SLC12A7: variants seen among roughly 807,000 people sequenced by gnomAD.
SLC12A7 encodes K-Cl cotransporter 4.
SLC12A7 carries 100 observed loss-of-function variants against 120.6 expected under a neutral mutation model. The observed-to-expected ratio is 0.83, with a 90% confidence interval of 0.71 to 0.98. The LOEUF is 0.98. SLC12A7 is among the 50% of genes least tolerant of loss of function. The pLI, the probability that SLC12A7 is intolerant of heterozygous loss-of-function variation, is 0.00. For missense variants in SLC12A7, 1,373 were observed against 1,548.1 expected (o/e 0.89, Z 1.90); for synonymous variants, 760 against 678.0 (o/e 1.12, Z -1.88).
intron 1 of SLC12A7, among the ~76,000 whole-genome samples, chr5:1,094,706 G>A (rs560990146): frequency 9.2e-5 from 14 of 152,304 alleles, no homozygotes; most frequent in Non-Finnish European, 1.6e-4. Context: ...CTTAAAAGTC[G>A]GGGTGGCACC....
intron 1 of SLC12A7, among the ~76,000 whole-genome samples, chr5:1,109,587 C>T (rs1346036341): frequency 6.6e-6 from 1 of 152,242 alleles, no homozygotes; most frequent in Non-Finnish European, 1.5e-5. Flanking sequence ...CAGAAGGCCC[C>T]TGGAGCCAGG....
the SLC12A7 span, among the ~76,000 whole-genome samples, chr5:1,131,119 G>A: frequency 1.3e-5 from 2 of 152,150 alleles, no homozygotes; most frequent in Admixed American, 6.5e-5. Context: ...AGAGCTCAGC[G>A]CCTGTATTCG....
chr5:1,093,795 G>A, intron 2 of SLC12A7, 140 bp from the exon 3 acceptor site: 2 of 1,309,638 alleles, frequency 1.5e-6, no homozygotes. Context: ...GAGAGGCCTG[G>A]ACACCTGTGT....
intron 3 of SLC12A7, among the ~76,000 whole-genome samples, chr5:1,090,520 G>C (rs191777137): frequency 3.3e-5 from 5 of 152,308 alleles, no homozygotes; most frequent in African/African-American, 1.2e-4. Context: ...AAGCGGTGGC[G>C]GATGGTGGAG....
At position 1,052,384 on chromosome 5, in the gene SLC12A7, C is replaced by G. The variant is rs1384112749; in HGVS notation, c.3228G>C (p.Arg1076=). ...ATTAGGAGTAGATGGTGATCACCTCCCGGCCGCCACCCCTGACCAGGAGGA... is the reference window on the plus strand; with the variant it reads ...ATTAGGAGTAGATGGTGATCACCTCGCGGCCGCCACCCCTGACCAGGAGGA... ...NRVLLVRGGG[R]EVITIYS Residue 1076 remains arginine, a synonymous_variant, in exon 24 of 24, where the codon CGG becomes CGC. Coordinates refer to ENST00000264930, the MANE Select transcript of SLC12A7 (RefSeq NM_006598.3). The G allele has an allele frequency of 3.7e-6, 6 of 1,612,886 alleles. No homozygotes were observed. The highest frequency in any genetic ancestry group is 4.5e-5 in the East Asian group (2 of 44,886).
rs115781594 is a variant in SLC12A7, at chr5:1,109,859, C to T, written c.124+2009G>A. Among the ~76,000 whole-genome samples the T allele has an allele frequency of 9.7e-3, 1,477 of 152,370 alleles. 24 individuals are homozygous for T. Among genetic ancestry groups the T allele is most frequent in the African/African-American group, 0.033 (1,383 of 41,582 alleles). Reference sequence around the variant, plus strand: ...TACCTCCACAGACCGTTCAGGGGAACGGCAATGGAGTCAGGAAGAGCTTGG... The same window carrying T: ...TACCTCCACAGACCGTTCAGGGGAATGGCAATGGAGTCAGGAAGAGCTTGG... On this transcript the variant is annotated intron_variant, in intron 1 of 23. Transcript: ENST00000264930.
chr5:1,065,241 G>A (rs1736911747), intron 18 of SLC12A7, 42 bp downstream of exon 18: 1 of 1,427,964 alleles, frequency 7.0e-7, no homozygotes, highest in Non-Finnish European at 9.6e-7. Flanking sequence ...GGACACAGAG[G>A]GGACGGTGAG....
At chr5:1,130,373 C>T in the SLC12A7 span, among the ~76,000 whole-genome samples, 4 of 152,184 alleles carry the variant, frequency 2.6e-5, no homozygotes, top group African/African-American at 4.8e-5. Flanking sequence ...CCTGCATCTG[C>T]GTCTGGGCAG....
intron 1 of SLC12A7, among the ~76,000 whole-genome samples, chr5:1,096,200 C>G (rs1741118511): frequency 6.6e-6 from 1 of 152,126 alleles, no homozygotes. Context: ...TGAGAGGCAC[C>G]ACGTCAGCTG....
At chr5:1,112,823 CG>C (rs770854644), upstream of SLC12A7, among the ~76,000 whole-genome samples, 65 of 149,802 alleles carry the variant, frequency 4.3e-4, no homozygotes, top group Admixed American at 6.6e-4. Context: ...TGGGGTACTC[CG>C]GAGCTTGGTC....
chr5:1,113,105 G>A (rs888187470), upstream of SLC12A7, among the ~76,000 whole-genome samples: 3 of 152,156 alleles, frequency 2.0e-5, no homozygotes, highest in African/African-American at 7.2e-5. Context: ...CATGAAAAAC[G>A]GAACAATCAG....
At chr5:1,153,622 G>A in the SLC12A7 span, among the ~76,000 whole-genome samples, 2 of 152,182 alleles carry the variant, frequency 1.3e-5, no homozygotes, top group South Asian at 4.1e-4. Context: ...AGCCCCTGTT[G>A]CCACAAGCCG....
At chr5:1,148,859 A>G in the SLC12A7 span, among the ~76,000 whole-genome samples, 1 of 152,242 alleles carries the variant, frequency 6.6e-6, no homozygotes, top group Non-Finnish European at 1.5e-5. Flanking sequence ...CTGCTTCCTT[A>G]AAGTTTCAGT....
At chr5:1,155,735 G>A in the SLC12A7 span, among the ~76,000 whole-genome samples, 1 of 150,926 alleles carries the variant, frequency 6.6e-6, no homozygotes, top group African/African-American at 2.4e-5. Flanking sequence ...CAGGCGGCTC[G>A]GGCGCGGCTG....
At chr5:1,113,441 T>C (rs4285270), upstream of SLC12A7, among the ~76,000 whole-genome samples, 124,446 of 152,212 alleles carry the variant, frequency 0.82, 51,234 homozygotes, top group African/African-American at 0.91. Flanking sequence ...TGGGGTGGCC[T>C]AGGGTTCTAC....
At chr5:1,108,827 C>T (rs778521818) in intron 1 of SLC12A7, among the ~76,000 whole-genome samples, 6 of 151,924 alleles carry the variant, frequency 3.9e-5, no homozygotes, top group Non-Finnish European at 7.4e-5. Context: ...AACACGGACA[C>T]GGTAGGTAGT....
At chr5:1,110,778 T>C (rs1349854895) in intron 1 of SLC12A7, among the ~76,000 whole-genome samples, 4 of 152,338 alleles carry the variant, frequency 2.6e-5, no homozygotes, top group South Asian at 4.1e-4. Context: ...AGATCTGGGC[T>C]GGCCTCTGTG....
chr5:1,115,077 C>A (rs917441989), upstream of SLC12A7, among the ~76,000 whole-genome samples: 1 of 152,214 alleles, frequency 6.6e-6, no homozygotes, highest in East Asian at 1.9e-4. Flanking sequence ...CTCAGTCGAT[C>A]ACCATTAGTG....
At chr5:1,075,907 CCA>C in intron 14 of SLC12A7, 1 of 539,990 alleles carries the variant, frequency 1.9e-6, no homozygotes, top group Non-Finnish European at 3.3e-6. Context: ...ATCCTCGTAA[CCA>C]GAGGCCTTCC....
Sources: gnomAD v4.1 joint callset for allele counts (sites outside exome capture counted in the v4.1 genomes callset) on GRCh38, gnomAD v4.1.1 for gene constraint, MANE v1.5 for transcripts, NCBI Gene and HGNC (gene_info 2026-07-23, HGNC 2026-07-21) for gene names.